The following ZFR variants were observed in gnomAD, a reference collection of about 807,000 sequenced individuals.
ZFR encodes zinc finger RNA binding protein.
Under a neutral mutation model 130.7 loss-of-function variants are expected in ZFR, and 19 were observed. The observed-to-expected ratio is 0.15, with a 90% confidence interval of 0.10 to 0.21. ZFR has a LOEUF of 0.21. ZFR is among the 10% of genes least tolerant of loss of function. The pLI, the probability that ZFR is intolerant of heterozygous loss-of-function variation, is 1.00. For missense variants in ZFR, 872 were observed against 1,321.5 expected, an observed-to-expected ratio of 0.66 and a Z score of 5.27; for synonymous variants, 466 against 456.9, an observed-to-expected ratio of 1.02 and a Z score of -0.25.
chr5:32,391,251 T>C (rs1043625482), intron 11 of ZFR, among the ~76,000 whole-genome samples: 3 of 152,202 alleles, frequency 2.0e-5, no homozygotes, highest in Non-Finnish European at 2.9e-5. Context: ...AACACCGTTA[T>C]CAGATGGAAA....
At chr5:32,395,491 T>C (rs988444474) in intron 10 of ZFR, among the ~76,000 whole-genome samples, 187 bp from the exon 11 acceptor site, 6 of 152,206 alleles carry the variant, frequency 3.9e-5, no homozygotes, top group African/African-American at 7.2e-5. Context: ...ATAAAAATTA[T>C]GTAAAAAGTA....
Position 32,417,660 on chromosome 5 carries a change from A to G in ZFR, c.553T>C (p.Tyr185His). The change falls in exon 4 of 20, where the codon TAC (tyrosine) becomes CAC (histidine). Residue 185 changes from tyrosine to histidine, a missense_variant. Physicochemically the swap from Tyr to His is moderately conservative, Grantham distance 83. Around this residue, in one of 7 missense-constraint regions of ZFR, gnomAD observed 240 missense variants for 441.2 expected, o/e 0.54. Transcript: ENST00000265069. ...TAAGAAAACCCACCTGTCTGATAGT[A>G]AGTTTCAGCAACAGAAGGCTGAGGT... ...AQPQPSVAET[Y>H]YQTAPKAGYS... 1 of 1,613,436 alleles carries G rather than the reference A, an allele frequency of 6.2e-7. No homozygotes were observed. Among genetic ancestry groups the G allele is most frequent in the South Asian group, 1.1e-5 (1 of 91,084 alleles).
intron 2 of ZFR, among the ~76,000 whole-genome samples, chr5:32,421,381 T>C (rs1358877262): frequency 6.6e-6 from 1 of 152,212 alleles, no homozygotes; most frequent in Non-Finnish European, 1.5e-5. Context: ...GTACAAGGTA[T>C]TCTGTACTGG....
intron 5 of ZFR, among the ~76,000 whole-genome samples, chr5:32,411,280 G>A (rs1266038850): frequency 6.6e-6 from 1 of 152,166 alleles, no homozygotes; most frequent in Non-Finnish European, 1.5e-5. Flanking sequence ...AGATCTCACT[G>A]GGCAAATTTA....
chr5:32,393,972 TAAC>T (rs1290171028), intron 11 of ZFR, among the ~76,000 whole-genome samples: 1 of 152,086 alleles, frequency 6.6e-6, no homozygotes, highest in Non-Finnish European at 1.5e-5. Flanking sequence ...ATCTAAACAA[TAAC>T]AACAAGGATT....
intron 14 of ZFR, 34 bp from the exon 15 acceptor site, chr5:32,385,683 T>A (rs1373335016): frequency 1.2e-6 from 2 of 1,608,604 alleles, no homozygotes; most frequent in African/African-American, 2.7e-5. Context: ...ACAAATTGGA[T>A]CTGTTGTATT....
intron 10 of ZFR, among the ~76,000 whole-genome samples, chr5:32,396,949 T>A (rs1753327528): frequency 6.6e-6 from 1 of 152,218 alleles, no homozygotes; most frequent in Non-Finnish European, 1.5e-5. Flanking sequence ...GAATTAATTA[T>A]CTTTACATGA....
In ZFR at chr5:32,422,469, C is replaced by A. The variant is rs532367601; in HGVS notation, c.138-2366G>T. On this transcript the variant is annotated intron_variant, in intron 2 of 19. Transcript: ENST00000265069. Reference sequence around the variant, plus strand: ...CTGCTCTGTATAGCCAGGTCTCTAACCATCATCTGGACTGGAACCATATCT... The same window carrying A: ...CTGCTCTGTATAGCCAGGTCTCTAAACATCATCTGGACTGGAACCATATCT... 3.9e-5 allele frequency among the ~76,000 whole-genome samples: 6 copies of A among 152,206 alleles called. No homozygotes were observed. The South Asian group carries it at 6.2e-4, about 16-fold the overall frequency.
intron 18 of ZFR, 50 bp downstream of exon 18, chr5:32,364,111 CCAG>C (rs1378442183): frequency 6.3e-7 from 1 of 1,596,588 alleles, no homozygotes; most frequent in African/African-American, 1.3e-5. Context: ...AATTATTCAA[CCAG>C]CAAATGAGTA....
At chr5:32,433,328 A>T (rs1561925872) in intron 2 of ZFR, among the ~76,000 whole-genome samples, 1 of 152,206 alleles carries the variant, frequency 6.6e-6, no homozygotes, top group Non-Finnish European at 1.5e-5. Context: ...AGTAATTAAA[A>T]AATTATAGTA....
At chr5:32,387,886 A>G (rs1753075142) in intron 13 of ZFR, among the ~76,000 whole-genome samples, 187 bp from the exon 14 acceptor site, 1 of 152,178 alleles carries the variant, frequency 6.6e-6, no homozygotes, top group South Asian at 2.1e-4. Flanking sequence ...AAAAAAAATA[A>G]TAAAGAGCTA....
chr5:32,433,733 T>C (rs965099233), intron 2 of ZFR, among the ~76,000 whole-genome samples: 1 of 152,238 alleles, frequency 6.6e-6, no homozygotes, highest in African/African-American at 2.4e-5. Context: ...GTTTTCAGCA[T>C]TTGTCCACTA....
rs1754571750 is a variant in ZFR, at chr5:32,444,735, G to T, written c.-77C>A. 3.4e-6 allele frequency: 5 copies of T among 1,481,654 alleles called. No homozygotes were observed. The highest frequency in any genetic ancestry group is 4.5e-6 in the Non-Finnish European group (5 of 1,116,292). 91.8% of individuals were successfully genotyped at this position (1,481,654 alleles called of 1,614,324 possible). Reference sequence around the variant, plus strand: ...CTCTGCCCCGCTCCTCCTCAGCGGAGAACAGACCGCCGCCTCCGACCGCAC... The same window carrying T: ...CTCTGCCCCGCTCCTCCTCAGCGGATAACAGACCGCCGCCTCCGACCGCAC... On this transcript the variant is annotated 5_prime_UTR_variant, in exon 1 of 20. Transcript: ENST00000265069.
chr5:32,388,286 C>T (rs967216619), intron 13 of ZFR, among the ~76,000 whole-genome samples, 183 bp downstream of exon 13: 1 of 152,102 alleles, frequency 6.6e-6, no homozygotes, highest in Non-Finnish European at 1.5e-5. Context: ...TACATGTGTC[C>T]GTGGAACTTG....
At chr5:32,365,011 T>G (rs1218975947) in intron 17 of ZFR, 2 of 152,226 alleles carry the variant, frequency 1.3e-5, no homozygotes, top group Non-Finnish European at 2.9e-5. Flanking sequence ...TCTCCCTTTC[T>G]TTTAGCCCTT....
chr5:32,409,157 C>T (rs1753644777), intron 5 of ZFR, among the ~76,000 whole-genome samples: 1 of 152,152 alleles, frequency 6.6e-6, no homozygotes. Context: ...CCATCCATTA[C>T]CACTTACAGG....
At chr5:32,379,932 C>G in intron 16 of ZFR, 143 bp downstream of exon 16, 1 of 598,030 alleles carries the variant, frequency 1.7e-6, no homozygotes. Flanking sequence ...ACCCAGCTTT[C>G]TATGTTAACA....
At chr5:32,356,953 T>C (rs1030883066) in intron 19 of ZFR, among the ~76,000 whole-genome samples, 1 of 152,148 alleles carries the variant, frequency 6.6e-6, no homozygotes, top group African/African-American at 2.4e-5. Context: ...CAGAAAAATA[T>C]TCTCACAAGT....
chr5:32,375,119 T>C (rs1325193954), intron 17 of ZFR, among the ~76,000 whole-genome samples: 1 of 152,204 alleles, frequency 6.6e-6, no homozygotes, highest in Non-Finnish European at 1.5e-5. Flanking sequence ...TTCTCATATG[T>C]ATGAAGAATC....
Sources: allele counts gnomAD v4.1 joint callset (sites outside exome capture counted in the v4.1 genomes callset), GRCh38; gene constraint gnomAD v4.1.1; regional missense constraint gnomAD v4.1.1; transcripts MANE v1.5; gene names NCBI Gene and HGNC (gene_info 2026-07-23, HGNC 2026-07-21).